BANK1: variants seen among roughly 807,000 people sequenced by gnomAD.
BANK1 encodes B cell scaffold protein with ankyrin repeats 1, also known as B-cell scaffold protein with ankyrin repeats.
A neutral mutation model predicts 94.5 loss-of-function variants in BANK1; 95 were observed. The observed-to-expected ratio is 1.00, with a 90% confidence interval of 0.85 to 1.19. BANK1 has a LOEUF of 1.19. Ranked by LOEUF, BANK1 falls within the 50% of genes most tolerant of loss-of-function variation. BANK1 has a pLI of 0.00. For missense variants in BANK1, 987 were observed against 932.2 expected (o/e 1.06, Z -0.77); for synonymous variants, 334 against 308.4 (o/e 1.08, Z -0.87).
At chr4:102,030,932 T>C (rs1329557428) in intron 10 of BANK1, among the ~76,000 whole-genome samples, 1 of 152,218 alleles carries the variant, frequency 6.6e-6, no homozygotes, top group Non-Finnish European at 1.5e-5. Context: ...TAGAATGATT[T>C]ATAATACTTT....
intron 7 of BANK1, among the ~76,000 whole-genome samples, chr4:101,999,992 T>C (rs1272399676): frequency 2.6e-5 from 4 of 152,230 alleles, no homozygotes; most frequent in South Asian, 4.1e-4. Context: ...TGGGTGACCA[T>C]AGAATATACT....
chr4:101,977,047 G>A (rs1379859007), intron 7 of BANK1: 1 of 152,128 alleles, frequency 6.6e-6, no homozygotes, highest in Non-Finnish European at 1.5e-5. Context: ...TGTAGTCAGG[G>A]ATGAAGAAAG....
At chr4:101,869,425 G>A (rs1270801795) in intron 4 of BANK1, among the ~76,000 whole-genome samples, 1 of 151,810 alleles carries the variant, frequency 6.6e-6, no homozygotes, top group Non-Finnish European at 1.5e-5. Context: ...TGGGAAGAGA[G>A]AGCTCCTATT....
At chr4:101,959,714 T>A (rs1403818478) in intron 7 of BANK1, among the ~76,000 whole-genome samples, 1 of 152,216 alleles carries the variant, frequency 6.6e-6, no homozygotes, top group African/African-American at 2.4e-5. Context: ...GTCTACAGAA[T>A]AGAAGTGATG....
At chr4:101,827,739 C>T (rs1380160207) in intron 1 of BANK1, among the ~76,000 whole-genome samples, 1 of 151,904 alleles carries the variant, frequency 6.6e-6, no homozygotes, top group Non-Finnish European at 1.5e-5. Flanking sequence ...TCATATAAAA[C>T]AATGATAAAA....
intron 2 of BANK1, among the ~76,000 whole-genome samples, chr4:101,843,920 T>A (rs961692004): frequency 1.3e-5 from 2 of 151,950 alleles, no homozygotes; most frequent in African/African-American, 4.8e-5. Context: ...AGACTCGGTC[T>A]CAAAAAAAAT....
intron 11 of BANK1, among the ~76,000 whole-genome samples, chr4:102,050,095 C>A (rs891502684): frequency 6.6e-6 from 1 of 152,196 alleles, no homozygotes; most frequent in Non-Finnish European, 1.5e-5. Flanking sequence ...TCTCAAGTTG[C>A]CCACTTGGCC....
At chr4:101,985,875 T>C (rs1029440056) in intron 7 of BANK1, among the ~76,000 whole-genome samples, 1 of 152,144 alleles carries the variant, frequency 6.6e-6, no homozygotes, top group Non-Finnish European at 1.5e-5. Context: ...TTATTGAAGA[T>C]TTATATTTTG....
chr4:101,897,804 C>G (rs946751630), intron 6 of BANK1, among the ~76,000 whole-genome samples: 1 of 151,846 alleles, frequency 6.6e-6, no homozygotes, highest in African/African-American at 2.4e-5. Context: ...ATTTACTAGC[C>G]CCTAATTGCT....
intron 1 of BANK1, among the ~76,000 whole-genome samples, chr4:101,826,776 A>C (rs1560589878): frequency 6.6e-6 from 1 of 151,968 alleles, no homozygotes; most frequent in Non-Finnish European, 1.5e-5. Flanking sequence ...TTCTACATAC[A>C]TAAATATGTA....
intron 1 of BANK1, among the ~76,000 whole-genome samples, chr4:101,791,876 A>G (rs991320382): frequency 1.1e-4 from 16 of 152,212 alleles, no homozygotes; most frequent in African/African-American, 3.9e-4. Context: ...TGTGTCAATG[A>G]AAAGTGACAA....
In BANK1 at chr4:102,066,256, CTT is replaced by C. The variant is rs35912776; in HGVS notation, c.2212+3132_2212+3133del. 3.7e-4 allele frequency among the ~76,000 whole-genome samples: 53 copies of C among 143,904 alleles called. No homozygotes were observed. The East Asian group carries it at 4.1e-3, about 11-fold the overall frequency. 94.4% of individuals were successfully genotyped at this position (143,904 alleles called of 152,430 possible). ...TGGAGGATTAAAAATACAATAACAT[CTT>C]TTTTTTTTTTTTTCTCAAGACAGAG... is the stretch of plus-strand genomic sequence containing the variant. On this transcript the variant is annotated intron_variant, in intron 13 of 16. Coordinates refer to ENST00000322953, the MANE Select transcript of BANK1 (RefSeq NM_017935.5).
intron 7 of BANK1, among the ~76,000 whole-genome samples, chr4:101,932,004 G>A (rs898616443): frequency 1.3e-5 from 2 of 151,478 alleles, no homozygotes; most frequent in Admixed American, 6.6e-5. Flanking sequence ...ATGAGAAAAT[G>A]TAGTTTGTTT....
intron 7 of BANK1, among the ~76,000 whole-genome samples, chr4:102,015,654 C>G (rs528092339): frequency 7.9e-5 from 12 of 152,268 alleles, no homozygotes; most frequent in Non-Finnish European, 1.5e-4. Flanking sequence ...GGTTACCAGA[C>G]AGTGAGCTGA....
chr4:101,828,479 C>T (rs1043189342), intron 1 of BANK1, among the ~76,000 whole-genome samples: 4 of 150,792 alleles, frequency 2.7e-5, no homozygotes, highest in Non-Finnish European at 4.4e-5. Context: ...CTCTCTCATA[C>T]CTATTTTGTT....
intron 10 of BANK1, among the ~76,000 whole-genome samples, chr4:102,041,841 T>C (rs188988515): frequency 6.6e-6 from 1 of 152,162 alleles, no homozygotes; most frequent in African/African-American, 2.4e-5. Flanking sequence ...CATTTACTGT[T>C]ATTTCACACA....
chr4:101,981,749 A>G (rs1725331031), intron 7 of BANK1: 1 of 152,014 alleles, frequency 6.6e-6, no homozygotes, highest in African/African-American at 2.4e-5. Flanking sequence ...AAGCTACTAT[A>G]CTAGTTCTTT....
At chr4:101,909,043 C>A (rs570790370) in intron 6 of BANK1, among the ~76,000 whole-genome samples, 100 of 152,176 alleles carry the variant, frequency 6.6e-4, no homozygotes, top group Non-Finnish European at 1.2e-3. Context: ...TTGACCCAGC[C>A]ATCCCATTAC....
At chr4:101,826,785 TA>T (rs796782305) in intron 1 of BANK1, among the ~76,000 whole-genome samples, 1 of 151,754 alleles carries the variant, frequency 6.6e-6, no homozygotes, top group Non-Finnish European at 1.5e-5. Context: ...CATAAATATG[TA>T]AAAAAAAGTT....
Sources: allele counts gnomAD v4.1 joint callset (sites outside exome capture counted in the v4.1 genomes callset), GRCh38; gene constraint gnomAD v4.1.1; transcripts MANE v1.5; gene names NCBI Gene and HGNC (gene_info 2026-07-23, HGNC 2026-07-21).